CYP1A1: variants seen among roughly 807,000 people sequenced by gnomAD.
The protein encoded by CYP1A1 is cytochrome P450 1A1.
Under a neutral mutation model 33.6 loss-of-function variants are expected in CYP1A1, and 43 were observed. The ratio of observed to expected loss-of-function variants is 1.28; its 90% CI spans 1.00 to 1.65. The LOEUF is 1.65. Ranked by LOEUF, CYP1A1 falls within the 40% of genes most tolerant of loss-of-function variation. The pLI, the probability that CYP1A1 is intolerant of heterozygous loss-of-function variation, is 0.00. For missense variants in CYP1A1, 637 were observed against 653.7 expected (o/e 0.97, Z 0.28); for synonymous variants, 280 against 257.8 (o/e 1.09, Z -0.83).
At position 74,722,142 on chromosome 15, in the gene CYP1A1, T is replaced by C. The variant is rs2063175160; in HGVS notation, c.825+131A>G. 15 of 704,276 alleles carry C rather than the reference T, an allele frequency of 2.1e-5. No homozygotes were observed. In the East Asian group the frequency reaches 4.0e-4, roughly 19 times the overall value. 43.6% of individuals were successfully genotyped at this position (704,276 alleles called of 1,614,324 possible). A position where few individuals can be genotyped will look rare whatever the true frequency, so the allele number is the denominator to read the frequency against. Reference sequence around the variant, plus strand: ...CCAAGGAAGAAGACTATTCCACAACTGGCTTCAAGATCCCAGGTTGAAGCC... The same window carrying C: ...CCAAGGAAGAAGACTATTCCACAACCGGCTTCAAGATCCCAGGTTGAAGCC... On this transcript the variant is annotated intron_variant, in intron 2 of 6. Coordinates refer to ENST00000379727, the MANE Select transcript of CYP1A1 (RefSeq NM_001319217.2).
At position 74,722,365 on chromosome 15, in the gene CYP1A1, TGGGTA is replaced by T. The variant is rs1232025073; in HGVS notation, c.728_732del (p.Leu243GlnfsTer12). 7 of 1,614,090 alleles carry T rather than the reference TGGGTA, an allele frequency of 4.3e-6. No homozygotes were observed. Among genetic ancestry groups the T allele is most frequent in the Middle Eastern group, 3.3e-4 (2 of 6,062 alleles). On this transcript the variant is annotated frameshift_variant, in exon 2 of 7. Coordinates refer to ENST00000379727, the MANE Select transcript of CYP1A1 (RefSeq NM_001319217.2). LOFTEE classifies it high-confidence loss of function. ...TCCTTGAAGGCATTCAGGGAAGGGT[TGGGTA>T]GGTAGCGAAGAATAGGGATGAAGTC...
chr15:74,722,493 C>A lies in CYP1A1; in HGVS notation c.605G>T (p.Cys202Phe). ...GTTGTGGTCATAGCGCCGGCCAAAG[C>A]AAATGGCACAGATGACATTGGTCAC... Reference protein sequence around the residue: ...VSVTNVICAICFGRRYDHNHQ... With the variant: ...VSVTNVICAIFFGRRYDHNHQ... Residue 202 changes from cysteine (C) to phenylalanine (F), a missense_variant, in exon 2 of 7, where the codon TGC (cysteine) becomes TTC (phenylalanine). By Grantham distance (205) the Cys-to-Phe change is radical. Coordinates refer to ENST00000379727, the MANE Select transcript of CYP1A1 (RefSeq NM_001319217.2). 1 of 1,614,048 alleles carries A rather than the reference C, an allele frequency of 6.2e-7. No individual in the cohort carries two copies. The highest frequency in any genetic ancestry group is 8.5e-7 in the Non-Finnish European group (1 of 1,180,016).
chr15:74,723,981 A>G (rs2063194479), intron 1 of CYP1A1, among the ~76,000 whole-genome samples: 1 of 152,222 alleles, frequency 6.6e-6, no homozygotes, highest in Non-Finnish European at 1.5e-5. Flanking sequence ...GATAGGGGAC[A>G]GGATGGCCAC....
intron 1 of CYP1A1, among the ~76,000 whole-genome samples, chr15:74,724,996 G>C (rs2063204178): frequency 6.6e-6 from 1 of 152,176 alleles, no homozygotes. Flanking sequence ...TAGCTTCTTA[G>C]GCTAGGGCAG....
intron 1 of CYP1A1, among the ~76,000 whole-genome samples, chr15:74,723,463 T>G (rs910374673): frequency 1.3e-5 from 2 of 152,246 alleles, no homozygotes; most frequent in African/African-American, 4.8e-5. Flanking sequence ...TCTTAACTGC[T>G]GTACCAATCT....
At position 74,721,068 on chromosome 15, in the gene CYP1A1, A is replaced by G; in HGVS notation, c.1167-15T>C. The G allele has an allele frequency of 3.1e-6, 5 of 1,613,938 alleles. No homozygotes were observed. Among genetic ancestry groups the G allele is most frequent in the Non-Finnish European group, 4.2e-6 (5 of 1,179,838 alleles). On this transcript the variant is annotated splice_polypyrimidine_tract_variant and intron_variant, in intron 5 of 6. Transcript: ENST00000379727. ...CTCTTGTTGTGCTAGGGAGAAAGGA[A>G]GCTCAGTCAGGCTCAGGGCAACAGG...
Position 74,722,421 on chromosome 15 carries a change from TC to T in CYP1A1, c.676del (p.Glu226ArgfsTer23), listed in dbSNP as rs772813716. On this transcript the variant is annotated frameshift_variant, in exon 2 of 7. Coordinates refer to ENST00000379727, the MANE Select transcript of CYP1A1 (RefSeq NM_001319217.2). LOFTEE classifies it high-confidence loss of function. ...SLVNLNNNFG[E>X]VVGSGNPADF... ...AGCTGGGTTTCCAGAGCCAACCACC[TC>T]CCCGAAATTATTATTCAGGTTGACT... 2 of 1,613,902 alleles carry T rather than the reference TC, an allele frequency of 1.2e-6. No individual in the cohort carries two copies. Among genetic ancestry groups the T allele is most frequent in the Non-Finnish European group, 1.7e-6 (2 of 1,179,990 alleles).
intron 2 of CYP1A1, 22 bp from the exon 3 acceptor site, chr15:74,721,739 G>A: frequency 1.2e-6 from 2 of 1,611,654 alleles, no homozygotes; most frequent in Non-Finnish European, 1.7e-6. Context: ...AAAGTCCACA[G>A]GTGAGCAAGA....
At position 74,721,463 on chromosome 15, in the gene CYP1A1, C is replaced by T. The variant is rs56313657; in HGVS notation, c.993G>A (p.Met331Ile). Residue 331 changes from methionine to isoleucine, a missense_variant, in exon 4 of 7, where the codon ATG becomes ATA. Physicochemically the swap from Met to Ile is conservative, Grantham distance 10. Transcript: ENST00000379727. ...TVTTAISWSL[M>I]YLVMNPRVQR... is the part of the protein sequence containing the mutation. ...GTACCCTGGGGTTCATCACCAAATA[C>T]ATGAGGCTCCAGGAGATAGCAGTTG... The T allele has an allele frequency of 8.1e-6, 13 of 1,614,206 alleles. 1 individual carries two copies. In the Admixed American group the frequency reaches 1.8e-4, roughly 23 times the overall value.
chr15:74,722,685 G>A lies in CYP1A1; in HGVS notation c.413C>T (p.Ala138Val), dbSNP rs2063181698. 5.6e-6 allele frequency: 9 copies of A among 1,613,812 alleles called. No homozygotes were observed. The highest frequency in any genetic ancestry group is 7.6e-6 in the Non-Finnish European group (9 of 1,180,036). ...GGAGAAACTTTTCAGGCCATTCTGG[G>A]CCAGGCGCCGGCGGGCAGCCCACAC... The part of the protein sequence containing the change: ...GPVWAARRRL[A>V]QNGLKSFSIA... Residue 138 changes from alanine to valine, a missense_variant, in exon 2 of 7, where the codon GCC becomes GTC. By Grantham distance (64) the Ala-to-Val change is moderately conservative (BLOSUM62 0). Transcript: ENST00000379727.
chr15:74,724,362 G>A (rs2063198611), intron 1 of CYP1A1, among the ~76,000 whole-genome samples: 1 of 152,046 alleles, frequency 6.6e-6, no homozygotes, highest in South Asian at 2.1e-4. Flanking sequence ...CTGTTACCCT[G>A]GACTAGAGGT....
Position 74,720,705 on chromosome 15 carries a change from C to T in CYP1A1, c.1323G>A (p.Lys441=), listed in dbSNP as rs950580354. 1.2e-6 allele frequency: 2 copies of T among 1,614,052 alleles called. No individual in the cohort carries two copies. The highest frequency in any genetic ancestry group is 2.7e-5 in the African/African-American group (2 of 74,924). ...RFLTPDGAID[K]VLSEKVIIFG... is the part of the protein sequence containing the mutation. ...AGATAATCACCTTCTCACTTAACACCTTGTCGATAGCACCATCAGGGGTGA... is the reference window on the plus strand; with the variant it reads ...AGATAATCACCTTCTCACTTAACACTTTGTCGATAGCACCATCAGGGGTGA... The change falls in exon 7 of 7, where the codon AAG becomes AAA. Residue 441 remains lysine (K), a synonymous_variant. Coordinates refer to ENST00000379727, the MANE Select transcript of CYP1A1 (RefSeq NM_001319217.2).
Position 74,720,702 on chromosome 15 carries a change from C to T in CYP1A1, c.1326G>A (p.Val442=). Residue 442 remains valine, a synonymous_variant, in exon 7 of 7, where the codon GTG becomes GTA. Coordinates refer to ENST00000379727, the MANE Select transcript of CYP1A1 (RefSeq NM_001319217.2). ...CAAAGATAATCACCTTCTCACTTAA[C>T]ACCTTGTCGATAGCACCATCAGGGG... ...FLTPDGAIDK[V]LSEKVIIFGM... is the part of the protein sequence containing the mutation. 6.2e-7 allele frequency: 1 copy of T among 1,614,188 alleles called. No homozygotes were observed.
Position 74,722,426 on chromosome 15 carries a change from G to A in CYP1A1, c.672C>T (p.Phe224=), listed in dbSNP as rs144413202. 4.0e-5 allele frequency: 64 copies of A among 1,614,070 alleles called. 1 individual carries two copies. In the Middle Eastern group the frequency reaches 4.9e-4, roughly 12 times the overall value. ...GGTTTCCAGAGCCAACCACCTCCCC[G>A]AAATTATTATTCAGGTTGACTAGGC... ...LLSLVNLNNN[F]GEVVGSGNPA... The change falls in exon 2 of 7, where the codon TTC becomes TTT. Residue 224 remains phenylalanine, a synonymous_variant. Transcript: ENST00000379727.
chr15:74,720,847 C>T, intron 6 of CYP1A1, 73 bp from the exon 7 acceptor site: 1 of 1,570,538 alleles, frequency 6.4e-7, no homozygotes, highest in East Asian at 2.2e-5. Flanking sequence ...GCTCCAGCCC[C>T]AAAGGATAGA....
intron 6 of CYP1A1, 26 bp downstream of exon 6, chr15:74,720,941 C>A (rs374353252): frequency 3.1e-6 from 5 of 1,610,174 alleles, no homozygotes; most frequent in Non-Finnish European, 3.4e-6. Context: ...GTGGACCCAG[C>A]CTTTCCTCTG....
Position 74,721,413 on chromosome 15 carries a change from C to T in CYP1A1, c.1042+1G>A, listed in dbSNP as rs770709181. The T allele has an allele frequency of 6.2e-7, 1 of 1,614,198 alleles. No individual in the cohort carries two copies. Among genetic ancestry groups the T allele is most frequent in the Non-Finnish European group, 8.5e-7 (1 of 1,180,024 alleles). ...CCCCTTTGAAGGGAGCCACTACCTA[C>T]CTAGCTCCTCTTGGATCTTTCTCTG... On this transcript the variant is annotated splice_donor_variant, in intron 4 of 6. Transcript: ENST00000379727. LOFTEE classifies it high-confidence loss of function.
At position 74,722,612 on chromosome 15, in the gene CYP1A1, A is replaced by G. The variant is rs375895657; in HGVS notation, c.486T>C (p.His162=). The change falls in exon 2 of 7, where the codon CAT becomes CAC. Residue 162 remains histidine, a synonymous_variant. Coordinates refer to ENST00000379727, the MANE Select transcript of CYP1A1 (RefSeq NM_001319217.2). ...TCAGGACCTCAGCCTCCTTGCTCAC[A>G]TGCTCTTCCAGGTAGCAGGAGGTTG... ...ASSTSCYLEE[H]VSKEAEVLIS... 3.7e-6 allele frequency: 6 copies of G among 1,614,046 alleles called. No individual in the cohort carries two copies. Among genetic ancestry groups the G allele is most frequent in the Non-Finnish European group, 5.1e-6 (6 of 1,180,020 alleles).
Position 74,720,420 on chromosome 15 carries a change from C to T in CYP1A1, c.*69G>A, listed in dbSNP as rs2063157761. ...CAGGCTGAACCTTAGACCACATAGG[C>T]CAGCCTGCTGGTCTGGCTGCCCAAC... On this transcript the variant is annotated 3_prime_UTR_variant, in exon 7 of 7. Transcript: ENST00000379727. 6.1e-6 allele frequency: 9 copies of T among 1,484,498 alleles called. No individual in the cohort carries two copies. In the South Asian group the frequency reaches 1.2e-4, roughly 20 times the overall value. 92.0% of individuals were successfully genotyped at this position (1,484,498 alleles called of 1,614,324 possible).
Sources: allele counts gnomAD v4.1 joint callset (sites outside exome capture counted in the v4.1 genomes callset), GRCh38; gene constraint gnomAD v4.1.1; transcripts MANE v1.5; gene names NCBI Gene and HGNC (gene_info 2026-07-23, HGNC 2026-07-21).